FAM13A: variants seen among roughly 807,000 people sequenced by gnomAD.
FAM13A encodes protein FAM13A.
FAM13A carries 76 observed loss-of-function variants against 129.6 expected under a neutral mutation model. The ratio of observed to expected loss-of-function variants is 0.59; its 90% CI spans 0.49 to 0.71. The LOEUF is 0.71. FAM13A is among the 30% of genes least tolerant of loss of function. FAM13A has a pLI of 0.00. For synonymous variants in FAM13A, 443 were observed against 449.9 expected (o/e 0.98, Z 0.20); for missense variants, 1,108 against 1,249.3 (o/e 0.89, Z 1.70).
At chr4:88,800,938 T>C (rs962505495) in intron 8 of FAM13A, among the ~76,000 whole-genome samples, 29 of 151,944 alleles carry the variant, frequency 1.9e-4, no homozygotes, top group Non-Finnish European at 4.1e-4. Context: ...AACTCTCCCA[T>C]GTGATAATGA....
At chr4:88,733,905 GAA>G (rs1201162480) in intron 21 of FAM13A, among the ~76,000 whole-genome samples, 1 of 152,222 alleles carries the variant, frequency 6.6e-6, no homozygotes, top group African/African-American at 2.4e-5. Context: ...AGTCCTGAGA[GAA>G]CTTAAAAGTG....
In FAM13A at chr4:88,982,060, C is replaced by T. The variant is rs186762196; in HGVS notation, c.605+8913G>A. Among the ~76,000 whole-genome samples, 89 of 152,316 alleles carry T rather than the reference C, an allele frequency of 5.8e-4. 2 individuals are homozygous for T. Among genetic ancestry groups the T allele is most frequent in the Admixed American group, 5.7e-3 (87 of 15,294 alleles). ...GCATTCCCAAGGCAGGAGAAAGGTC[C>T]AAGCCTGGTGGAAGCAGATTGGTCT... On this transcript the variant is annotated intron_variant, in intron 4 of 23. Coordinates refer to ENST00000264344, the MANE Select transcript of FAM13A (RefSeq NM_014883.4).
rs1754151798 is a variant in FAM13A at position 88,938,234 on chromosome 4, G to T, written c.613C>A (p.Pro205Thr). 6.2e-7 allele frequency: 1 copy of T among 1,602,216 alleles called. No individual in the cohort carries two copies. Among genetic ancestry groups the T allele is most frequent in the African/African-American group, 1.3e-5 (1 of 74,118 alleles). The part of the protein sequence containing the change: ...VFGPNCFHVP[P>T]GLEGMKEQDL... ...TGTTCCTTCATGCCTTCAAGCCCAG[G>T]TGGCACACTAGAAACAAGAAAGGGA... The change falls in exon 5 of 24, where the codon CCT becomes ACT. Residue 205 changes from proline (P) to threonine (T), a missense_variant. Transcript: ENST00000264344.
intron 8 of FAM13A, among the ~76,000 whole-genome samples, chr4:88,800,696 C>CAAAAAAAAAAAAAAAAAA (rs1185321303): frequency 1.9e-5 from 1 of 54,030 alleles, no homozygotes; most frequent in Non-Finnish European, 3.8e-5. Flanking sequence ...GAAACAAAAA[C>CAAAAAAAAAAAAAAAAAA]AAAAAAAAAA....
chr4:88,874,003 G>C (rs538269498), intron 6 of FAM13A, among the ~76,000 whole-genome samples: 4 of 151,982 alleles, frequency 2.6e-5, no homozygotes, highest in Admixed American at 2.0e-4. Flanking sequence ...ATCAATAGAC[G>C]TAATCCATCA....
chr4:88,876,073 T>C (rs1742383183), intron 6 of FAM13A, among the ~76,000 whole-genome samples: 1 of 152,082 alleles, frequency 6.6e-6, no homozygotes, highest in Non-Finnish European at 1.5e-5. Context: ...TTCTCACTCA[T>C]AGGTAAGAAC....
intron 7 of FAM13A, among the ~76,000 whole-genome samples, chr4:88,846,737 A>T (rs1269932365): frequency 6.6e-6 from 1 of 152,248 alleles, no homozygotes; most frequent in African/African-American, 2.4e-5. Flanking sequence ...GACTTTTAGT[A>T]ACTTTACCAA....
At chr4:89,032,275 TTC>T (rs1237385317) in intron 1 of FAM13A, among the ~76,000 whole-genome samples, 1 of 109,110 alleles carries the variant, frequency 9.2e-6, no homozygotes, top group African/African-American at 3.8e-5. Context: ...AATTAAGGTA[TTC>T]TGAGTCTACC....
chr4:88,990,713 A>G, intron 4 of FAM13A: 1 of 336,518 alleles, frequency 3.0e-6, no homozygotes, highest in East Asian at 4.9e-5. Flanking sequence ...CCTTTTAATT[A>G]AAATATAACT....
At chr4:88,909,818 G>A (rs537669398) in intron 5 of FAM13A, among the ~76,000 whole-genome samples, 11 of 152,180 alleles carry the variant, frequency 7.2e-5, no homozygotes, top group Admixed American at 1.3e-4. Flanking sequence ...AAATATTCTG[G>A]AATTAGGTAA....
At chr4:88,845,723 T>A (rs1226666176) in intron 7 of FAM13A, among the ~76,000 whole-genome samples, 1 of 152,148 alleles carries the variant, frequency 6.6e-6, no homozygotes, top group African/African-American at 2.4e-5. Context: ...ATTAGAATCA[T>A]GAAGCAAGAG....
intron 5 of FAM13A, among the ~76,000 whole-genome samples, chr4:88,922,817 A>G (rs1464566106): frequency 6.6e-6 from 1 of 152,318 alleles, no homozygotes; most frequent in South Asian, 2.1e-4. Flanking sequence ...ACTAATAAAG[A>G]AAAAAAGAGA....
chr4:88,956,543 G>C (rs1184933826), intron 4 of FAM13A, among the ~76,000 whole-genome samples: 1 of 152,016 alleles, frequency 6.6e-6, no homozygotes, highest in Non-Finnish European at 1.5e-5. Flanking sequence ...AGAACTTAAG[G>C]AATTTATCCA....
chr4:88,855,276 C>G (rs1035667169), intron 6 of FAM13A: 1 of 151,936 alleles, frequency 6.6e-6, no homozygotes, highest in African/African-American at 2.4e-5. Context: ...ATTTATTTCT[C>G]TGGCACCTGT....
intron 5 of FAM13A, among the ~76,000 whole-genome samples, chr4:88,910,743 G>C (rs535856531): frequency 5.0e-4 from 75 of 151,462 alleles, no homozygotes; most frequent in African/African-American, 1.8e-3. Context: ...TCTGCCTCCT[G>C]GGTTCAAGCG....
intron 5 of FAM13A, among the ~76,000 whole-genome samples, chr4:88,909,641 C>T (rs941609985): frequency 3.3e-5 from 5 of 152,088 alleles, no homozygotes; most frequent in African/African-American, 1.2e-4. Flanking sequence ...TGTGCACCAC[C>T]ATGCCCAGCT....
At chr4:88,916,669 A>G (rs747435368) in intron 5 of FAM13A, among the ~76,000 whole-genome samples, 20 of 152,254 alleles carry the variant, frequency 1.3e-4, no homozygotes, top group Non-Finnish European at 2.5e-4. Context: ...TTCTGCTTAG[A>G]CTGCTCTTCC....
intron 7 of FAM13A, among the ~76,000 whole-genome samples, chr4:88,813,192 T>C (rs1055959115): frequency 2.0e-5 from 3 of 152,174 alleles, no homozygotes; most frequent in South Asian, 2.1e-4. Flanking sequence ...ACTATATCTG[T>C]TTGTTCTGGC....
intron 1 of FAM13A, among the ~76,000 whole-genome samples, chr4:89,030,351 A>G (rs1579849998): frequency 6.6e-6 from 1 of 152,282 alleles, no homozygotes; most frequent in South Asian, 2.1e-4. Flanking sequence ...TGAAAAATTC[A>G]TAAGAGTTTG....
Sources: allele counts gnomAD v4.1 joint callset (sites outside exome capture counted in the v4.1 genomes callset), GRCh38; gene constraint gnomAD v4.1.1; transcripts MANE v1.5; gene names NCBI Gene and HGNC (gene_info 2026-07-23, HGNC 2026-07-21).